ANKRD30A: variants seen among roughly 807,000 people sequenced by gnomAD.
The protein encoded by ANKRD30A is ankyrin repeat domain 30A.
Under a neutral mutation model 166.3 loss-of-function variants are expected in ANKRD30A, and 170 were observed. The ratio of observed to expected loss-of-function variants is 1.02; its 90% CI spans 0.90 to 1.16. The LOEUF (loss-of-function observed/expected upper bound fraction) is 1.16, where lower values mean the gene tolerates loss of function less well. Ranked by LOEUF, ANKRD30A falls within the 50% of genes most tolerant of loss-of-function variation. The pLI, the probability that ANKRD30A is intolerant of heterozygous loss-of-function variation, is 0.00. For synonymous variants in ANKRD30A, 564 were observed against 508.9 expected (o/e 1.11, Z -1.46); for missense variants, 1,630 against 1,518.0 (o/e 1.07, Z -1.23).
chr10:37,198,695 G>A (rs552506841), intron 29 of ANKRD30A, among the ~76,000 whole-genome samples: 93 of 152,080 alleles, frequency 6.1e-4, no homozygotes, highest in African/African-American at 1.9e-3. Flanking sequence ...AAGTTTCTTC[G>A]ACACTCTGCA....
chr10:37,166,426 G>T (rs1409394111), intron 18 of ANKRD30A, among the ~76,000 whole-genome samples, 179 bp from the exon 19 acceptor site: 1 of 151,990 alleles, frequency 6.6e-6, no homozygotes, highest in Non-Finnish European at 1.5e-5. Flanking sequence ...GATGTAGAGA[G>T]GGTTATGTGA....
chr10:37,155,095 T>C (rs964321738), intron 13 of ANKRD30A, among the ~76,000 whole-genome samples: 1 of 152,182 alleles, frequency 6.6e-6, no homozygotes, highest in East Asian at 1.9e-4. Context: ...TTAAAAACCA[T>C]AAAATTCTGA....
chr10:37,240,307 G>A, the ANKRD30A span, among the ~76,000 whole-genome samples: 1 of 152,062 alleles, frequency 6.6e-6, no homozygotes, highest in Non-Finnish European at 1.5e-5. Context: ...CACTGCAGTT[G>A]TTTTGAGAAA....
chr10:37,164,483 T>G (rs1211325220), intron 17 of ANKRD30A, among the ~76,000 whole-genome samples: 1 of 152,028 alleles, frequency 6.6e-6, no homozygotes. Context: ...TGTGTCATTG[T>G]AAATGAAGCA....
At chr10:37,191,532 T>C (rs1038996566) in intron 25 of ANKRD30A, among the ~76,000 whole-genome samples, 14 of 152,018 alleles carry the variant, frequency 9.2e-5, no homozygotes, top group African/African-American at 3.4e-4. Flanking sequence ...TTTCTCAGTG[T>C]CATGATTTGC....
At chr10:37,229,959 C>T (rs1843342429) in intron 34 of ANKRD30A, among the ~76,000 whole-genome samples, 1 of 151,822 alleles carries the variant, frequency 6.6e-6, no homozygotes, top group Admixed American at 6.6e-5. Flanking sequence ...ATTCATTTTA[C>T]TCTTTTAGTT....
At chr10:37,234,363 A>G (rs914657723), downstream of ANKRD30A, among the ~76,000 whole-genome samples, 2 of 152,216 alleles carry the variant, frequency 1.3e-5, no homozygotes, top group Admixed American at 6.5e-5. Flanking sequence ...TACATCAGTC[A>G]TTGGATCCTT....
rs1017809843 is a variant in ANKRD30A at position 37,134,099 on chromosome 10, T to A, written c.755+46T>A. The A allele has an allele frequency of 1.9e-6, 3 of 1,600,382 alleles. No homozygotes were observed. The African/African-American group carries it at 4.0e-5, about 21-fold the overall frequency. On this transcript the variant is annotated intron_variant, in intron 5 of 35. Transcript: ENST00000361713. ...GCTAGGTGAGATTTTATAGTTTGTT[T>A]CAGGTAGTTTTTGAATTACAGTGAG...
chr10:37,125,909 A>T lies in ANKRD30A; in HGVS notation c.122A>T (p.Lys41Met), dbSNP rs778232823. 1.2e-6 allele frequency: 2 copies of T among 1,602,206 alleles called. No individual in the cohort carries two copies. Among genetic ancestry groups the T allele is most frequent in the East Asian group, 4.5e-5 (2 of 44,800 alleles). ...SYIVHSGDLRKIHKAASRGQV... is the reference protein window; with the variant it reads ...SYIVHSGDLRMIHKAASRGQV... Reference sequence around the variant, plus strand: ...ATCGTCCACTCTGGGGATCTTAGAAAGATCCATAAAGCTGCCTCCCGGGGA... The same window carrying T: ...ATCGTCCACTCTGGGGATCTTAGAATGATCCATAAAGCTGCCTCCCGGGGA... Residue 41 changes from lysine to methionine, a missense_variant, in exon 1 of 36, where the codon AAG (lysine) becomes ATG (methionine). Transcript: ENST00000361713.
downstream of ANKRD30A, among the ~76,000 whole-genome samples, chr10:37,236,038 G>T (rs182940298): frequency 0.011 from 1,624 of 152,196 alleles, 16 homozygotes; most frequent in Non-Finnish European, 0.016. Flanking sequence ...AAAGTGCCGG[G>T]ATTACAGGCG....
rs139645037 is a variant in ANKRD30A, at chr10:37,228,575, A to G, written c.4186-2886A>G. ...TTAAACCAAATATTTTTAATTTTCCAGCTGTTGCGCTTCACAACTTGCCTC... is the reference window on the plus strand; with the variant it reads ...TTAAACCAAATATTTTTAATTTTCCGGCTGTTGCGCTTCACAACTTGCCTC... On this transcript the variant is annotated intron_variant, in intron 34 of 35. Coordinates refer to ENST00000361713, the MANE Select transcript of ANKRD30A (RefSeq NM_052997.3). 7.7e-3 allele frequency among the ~76,000 whole-genome samples: 1,179 copies of G among 152,146 alleles called. 9 individuals are homozygous for G. The highest frequency in any genetic ancestry group is 0.024 in the Middle Eastern group (7 of 294).
At chr10:37,260,638 A>T in the ANKRD30A span, among the ~76,000 whole-genome samples, 9 of 152,214 alleles carry the variant, frequency 5.9e-5, no homozygotes, top group African/African-American at 2.2e-4. Flanking sequence ...GAAAATAAAC[A>T]GATCTTGATT....
intron 12 of ANKRD30A, among the ~76,000 whole-genome samples, chr10:37,152,907 T>C (rs1451599503): frequency 6.6e-6 from 1 of 152,148 alleles, no homozygotes; most frequent in Non-Finnish European, 1.5e-5. Context: ...GATATTTTAT[T>C]AGACAAAAAG....
intron 15 of ANKRD30A, among the ~76,000 whole-genome samples, chr10:37,161,097 CA>C (rs772442691): frequency 3.9e-5 from 6 of 152,100 alleles, no homozygotes; most frequent in African/African-American, 1.2e-4. Flanking sequence ...ACTAAAAATA[CA>C]AAAAAATTAG....
chr10:37,144,852 G>T, intron 7 of ANKRD30A, 143 bp from the exon 8 acceptor site: 2 of 508,658 alleles, frequency 3.9e-6, no homozygotes, highest in South Asian at 3.6e-5. Flanking sequence ...GACTATAGAA[G>T]TGGTTGTGGT....
the ANKRD30A span, among the ~76,000 whole-genome samples, chr10:37,245,874 C>G: frequency 4.6e-5 from 7 of 152,270 alleles, no homozygotes; most frequent in East Asian, 1.4e-3. Context: ...ATCTCAGGCC[C>G]TAAATGTTGC....
intron 31 of ANKRD30A, 122 bp downstream of exon 31, chr10:37,201,447 GA>G: frequency 1.5e-6 from 1 of 663,354 alleles, no homozygotes; most frequent in Non-Finnish European, 2.3e-6. Flanking sequence ...GAAAAAAAGA[GA>G]AGTGCAATGG....
chr10:37,140,656 T>G (rs1390228094), intron 6 of ANKRD30A, among the ~76,000 whole-genome samples: 2 of 152,230 alleles, frequency 1.3e-5, no homozygotes, highest in Non-Finnish European at 2.9e-5. Flanking sequence ...ACTCTGTTTC[T>G]AATAGCCAAA....
At chr10:37,227,446 G>T (rs1843210740) in intron 34 of ANKRD30A, among the ~76,000 whole-genome samples, 1 of 151,858 alleles carries the variant, frequency 6.6e-6, no homozygotes, top group Non-Finnish European at 1.5e-5. Flanking sequence ...GACCATACAT[G>T]TGCAGGTCTG....
Sources: gnomAD v4.1 joint callset for allele counts (sites outside exome capture counted in the v4.1 genomes callset) on GRCh38, gnomAD v4.1.1 for gene constraint, MANE v1.5 for transcripts, NCBI Gene and HGNC (gene_info 2026-07-23, HGNC 2026-07-21) for gene names.